LIN9: variants seen among roughly 807,000 people sequenced by gnomAD.
The protein encoded by LIN9 is protein lin-9 homolog.
In LIN9, 18 loss-of-function variants were observed where a neutral mutation model predicts 78.0. The observed-to-expected ratio is 0.23, with a 90% confidence interval of 0.16 to 0.34. LIN9 has a LOEUF of 0.34. LIN9 is among the 10% of genes least tolerant of loss of function. The pLI is 1.00. For synonymous variants in LIN9, 192 were observed against 215.2 expected (o/e 0.89, Z 0.94); for missense variants, 451 against 644.1 (o/e 0.70, Z 3.25).
At chr1:226,307,600 C>T (rs1490377768) in intron 1 of LIN9, among the ~76,000 whole-genome samples, 1 of 152,216 alleles carries the variant, frequency 6.6e-6, no homozygotes, top group Non-Finnish European at 1.5e-5. Context: ...AGTACCATTG[C>T]ACCCCAGCCT....
chr1:226,272,358 T>A, intron 7 of LIN9, among the ~76,000 whole-genome samples: 1 of 150,994 alleles, frequency 6.6e-6, no homozygotes. Flanking sequence ...GCCCAGCCAA[T>A]CATTACTTTT....
chr1:226,267,187 T>C (rs1436547787), intron 8 of LIN9, among the ~76,000 whole-genome samples: 1 of 150,464 alleles, frequency 6.6e-6, no homozygotes, highest in East Asian at 1.9e-4. Flanking sequence ...TTCTCTCCTA[T>C]TGCGGAGAGA....
At chr1:226,284,650 G>A (rs2102620157) in intron 6 of LIN9, among the ~76,000 whole-genome samples, 1 of 152,262 alleles carries the variant, frequency 6.6e-6, no homozygotes, top group African/African-American at 2.4e-5. Flanking sequence ...CTTGAACCCA[G>A]AAGGCAGAGG....
chr1:226,241,662 T>G (rs1658120598), intron 11 of LIN9, among the ~76,000 whole-genome samples: 2 of 151,906 alleles, frequency 1.3e-5, no homozygotes, highest in African/African-American at 4.8e-5. Flanking sequence ...ATCGAGACCA[T>G]CCTGGCTAAC....
chr1:226,277,719 G>A, intron 7 of LIN9, 56 bp downstream of exon 7: 1 of 1,462,942 alleles, frequency 6.8e-7, no homozygotes, highest in African/African-American at 1.4e-5. Flanking sequence ...AAACAAAAAA[G>A]ATTACCTTGA....
In LIN9 at chr1:226,287,654, T is replaced by C; in HGVS notation, c.398+10A>G. 1.3e-6 allele frequency: 2 copies of C among 1,513,710 alleles called. No homozygotes were observed. The highest frequency in any genetic ancestry group is 1.8e-6 in the Non-Finnish European group (2 of 1,132,854). 93.8% of individuals were successfully genotyped at this position (1,513,710 alleles called of 1,614,324 possible). The stretch of plus-strand genomic sequence containing the variant: ...CAAGTAATATTCATAATATAAGCCA[T>C]GATACATACTTATCTATATTTGAAT... On this transcript the variant is annotated intron_variant, in intron 5 of 14. Transcript: ENST00000681046.
chr1:226,289,798 C>T (rs1359805585), intron 4 of LIN9, among the ~76,000 whole-genome samples: 1 of 125,458 alleles, frequency 8.0e-6, no homozygotes, highest in East Asian at 2.3e-4. Flanking sequence ...AGATGGATTA[C>T]CCAATAAATG....
At chr1:226,309,088 G>T (rs755018747) in intron 1 of LIN9, 21 bp downstream of exon 1, 21 of 1,310,834 alleles carry the variant, frequency 1.6e-5, no homozygotes, top group South Asian at 3.1e-5. Flanking sequence ...AAAGGGGGGG[G>T]TGCTTTGAGG....
intron 10 of LIN9, 40 bp from the exon 11 acceptor site, chr1:226,250,959 AT>A: frequency 1.1e-6 from 1 of 951,980 alleles, no homozygotes. Context: ...AAACAGAGGC[AT>A]TTAGGTATAT....
At chr1:226,285,891 G>A (rs965121814) in intron 6 of LIN9, among the ~76,000 whole-genome samples, 1 of 152,052 alleles carries the variant, frequency 6.6e-6, no homozygotes, top group East Asian at 1.9e-4. Context: ...CATAGATAAT[G>A]TAAAACTAAA....
At chr1:226,233,573 T>G in intron 12 of LIN9, 50 bp from the exon 13 acceptor site, 1 of 1,427,462 alleles carries the variant, frequency 7.0e-7, no homozygotes, top group Non-Finnish European at 9.4e-7. Flanking sequence ...AAGCCATGAT[T>G]ATTTCTGTAT....
intron 7 of LIN9, among the ~76,000 whole-genome samples, chr1:226,271,328 AGAGT>A (rs1288924926): frequency 3.9e-5 from 6 of 152,206 alleles, no homozygotes; most frequent in Non-Finnish European, 7.3e-5. Context: ...AATCCCTAAT[AGAGT>A]GACTTTTTAA....
chr1:226,298,016 A>G (rs1287134525), intron 2 of LIN9, among the ~76,000 whole-genome samples: 2 of 152,228 alleles, frequency 1.3e-5, no homozygotes, highest in African/African-American at 4.8e-5. Flanking sequence ...TTGATAAAGC[A>G]ATGCATCTTG....
At chr1:226,264,335 C>A (rs918631659) in intron 10 of LIN9, among the ~76,000 whole-genome samples, 2 of 151,946 alleles carry the variant, frequency 1.3e-5, no homozygotes. Flanking sequence ...TGAGATCGTG[C>A]CACTGCACTC....
chr1:226,294,887 C>G (rs1231902139), intron 4 of LIN9, among the ~76,000 whole-genome samples: 1 of 151,478 alleles, frequency 6.6e-6, no homozygotes, highest in Admixed American at 6.6e-5. Flanking sequence ...GCAACCTCAG[C>G]CTCCTGGGTT....
At chr1:226,250,746 C>T in intron 11 of LIN9, 93 bp downstream of exon 11, 2 of 667,366 alleles carry the variant, frequency 3.0e-6, no homozygotes, top group East Asian at 2.9e-5. Flanking sequence ...TGAAGGTTTC[C>T]TTCCATAGAT....
chr1:226,279,441 A>G (rs996524366), intron 6 of LIN9, among the ~76,000 whole-genome samples: 6 of 151,530 alleles, frequency 4.0e-5, no homozygotes, highest in African/African-American at 1.2e-4. Flanking sequence ...TCCAGCCTGC[A>G]CAACAGAGGG....
intron 1 of LIN9, among the ~76,000 whole-genome samples, chr1:226,306,747 C>T (rs1007547224): frequency 1.3e-5 from 2 of 152,244 alleles, no homozygotes; most frequent in South Asian, 2.1e-4. Context: ...GCCTCCTTGA[C>T]TAAATGTGGC....
At chr1:226,244,589 T>C (rs893276355) in intron 11 of LIN9, among the ~76,000 whole-genome samples, 4 of 152,226 alleles carry the variant, frequency 2.6e-5, no homozygotes, top group African/African-American at 9.6e-5. Context: ...CTTGTGTGGC[T>C]TACAGGTTCA....
Sources: gnomAD v4.1 joint callset for allele counts (sites outside exome capture counted in the v4.1 genomes callset) on GRCh38, gnomAD v4.1.1 for gene constraint, MANE v1.5 for transcripts, NCBI Gene and HGNC (gene_info 2026-07-23, HGNC 2026-07-21) for gene names.